The following KNL1 variants were observed in gnomAD, a reference collection of about 807,000 sequenced individuals.
The protein encoded by KNL1 is outer kinetochore KNL1 complex subunit KNL1.
KNL1 carries 66 observed loss-of-function variants against 201.3 expected under a neutral mutation model. The observed-to-expected ratio is 0.33, with a 90% CI of 0.27 to 0.40. The LOEUF (loss-of-function observed/expected upper bound fraction) is 0.40. Among genes scored for constraint, KNL1 ranks in the 10% least tolerant of loss-of-function variants. KNL1 has a pLI of 1.00. For synonymous variants in KNL1, 895 were observed against 899.2 expected (o/e 1.00, Z 0.08); for missense variants, 2,815 against 2,690.5 (o/e 1.05, Z -1.02).
chr15:40,621,553 A>G lies in KNL1; in HGVS notation c.1289A>G (p.Tyr430Cys), dbSNP rs772527233. Residue 430 changes from tyrosine (Y) to cysteine (C), a missense_variant, in exon 10 of 26, where the codon TAT becomes TGT. Transcript: ENST00000399668. ...ATTCAAGGTTGTAAGACTGTTTTCT[A>G]TTCTAGTTGTAATGATGCCATGGAA... ...PSIQGCKTVF[Y>C]SSCNDAMEMT... 3 of 1,610,756 alleles carry G rather than the reference A, an allele frequency of 1.9e-6. No individual in the cohort carries two copies. Among genetic ancestry groups the G allele is most frequent in the Admixed American group, 1.7e-5 (1 of 59,382 alleles).
In KNL1 at chr15:40,623,435, T is replaced by C. The variant is rs745709549; in HGVS notation, c.3171T>C (p.Pro1057=). ...DVQSPGFLNE[P]LSSKSQRRKS... ...AAAGTCCTGGATTTCTGAATGAACC[T>C]CTATCAAGCAAAAGTCAGAGAAGAA... The change falls in exon 10 of 26, where the codon CCT becomes CCC. Residue 1057 remains proline, a synonymous_variant. Transcript: ENST00000399668. The C allele has an allele frequency of 1.9e-6, 3 of 1,612,702 alleles. No homozygotes were observed. The highest frequency in any genetic ancestry group is 1.1e-5 in the South Asian group (1 of 90,920).
rs1267075095 is a variant in KNL1 at position 40,659,344 on chromosome 15, G to C, written c.6719G>C (p.Arg2240Thr). Residue 2240 changes from arginine to threonine, a missense_variant, in exon 25 of 26, where the codon AGA becomes ACA. Arg to Thr is a moderately conservative substitution (Grantham distance 71, BLOSUM62 -1). Transcript: ENST00000399668. ...GTGGATCTTGTCTTTTACAGATTGA[G>C]ACTTTTATTCTCTAGCTCCGCAGCA... ...MNIDINNNEL[R>T]LLFSSSAAFA... 6.2e-7 allele frequency: 1 copy of C among 1,611,042 alleles called. No homozygotes were observed. Among genetic ancestry groups the C allele is most frequent in the African/African-American group, 1.3e-5 (1 of 74,800 alleles).
intron 10 of KNL1, among the ~76,000 whole-genome samples, chr15:40,626,235 C>T (rs914945233): frequency 5.3e-5 from 8 of 151,806 alleles, no homozygotes; most frequent in Middle Eastern, 3.2e-3. Context: ...TCACTGCAAC[C>T]TCTGCCTTCT....
rs1337158421 is a variant in KNL1 at position 40,662,326 on chromosome 15, T to C, written c.*138T>C. The C allele has an allele frequency of 1.6e-6, 1 of 606,714 alleles. No homozygotes were observed. Among genetic ancestry groups the C allele is most frequent in the African/African-American group, 1.9e-5 (1 of 53,388 alleles). The allele number at this position is 606,714 out of a possible 1,614,324, so 37.6% of individuals were successfully genotyped here. A position where few individuals can be genotyped will look rare whatever the true frequency, so the allele number is the denominator to read the frequency against. Reference sequence around the variant, plus strand: ...CTGATGATGTTATAGTTAATCTGTATGTTTTTTATATCTCTGCAGAATGAT... The same window carrying C: ...CTGATGATGTTATAGTTAATCTGTACGTTTTTTATATCTCTGCAGAATGAT... On this transcript the variant is annotated 3_prime_UTR_variant, in exon 26 of 26. Coordinates refer to ENST00000399668, the MANE Select transcript of KNL1 (RefSeq NM_144508.5).
Position 40,628,109 on chromosome 15 carries a change from G to T in KNL1, c.5416G>T (p.Ala1806Ser). The change falls in exon 11 of 26, where the codon GCT becomes TCT. Residue 1806 changes from alanine to serine, a missense_variant. By Grantham distance (99) the Ala-to-Ser change is moderately conservative (BLOSUM62 1). This residue lies in a region of KNL1 where 2,464 missense variants were observed against 2,291.7 expected (regional missense o/e 1.08). Transcript: ENST00000399668. ...TACTGAAGAGGATATAGATAAAAGTGCTAACAGTGTATTGATAAAAAACCT... is the reference window on the plus strand; with the variant it reads ...TACTGAAGAGGATATAGATAAAAGTTCTAACAGTGTATTGATAAAAAACCT... ...HHTEEDIDKS[A>S]NSVLIKNLSR... 6.2e-7 allele frequency: 1 copy of T among 1,610,630 alleles called. No homozygotes were observed. The highest frequency in any genetic ancestry group is 8.5e-7 in the Non-Finnish European group (1 of 1,178,840).
At chr15:40,654,457 T>TA (rs1489541040) in intron 21 of KNL1, among the ~76,000 whole-genome samples, 1 of 151,448 alleles carries the variant, frequency 6.6e-6, no homozygotes, top group Non-Finnish European at 1.5e-5. Flanking sequence ...CTTTACTAGA[T>TA]ACAGAGAATA....
chr15:40,605,872 T>C (rs1250537728), intron 3 of KNL1, among the ~76,000 whole-genome samples: 1 of 152,242 alleles, frequency 6.6e-6, no homozygotes, highest in Non-Finnish European at 1.5e-5. Context: ...GATTTCCTTT[T>C]GCTTTTTCTA....
chr15:40,637,684 G>T lies in KNL1; in HGVS notation c.5683-3228G>T, dbSNP rs554950841. On this transcript the variant is annotated intron_variant, in intron 13 of 25. Coordinates refer to ENST00000399668, the MANE Select transcript of KNL1 (RefSeq NM_144508.5). Reference sequence around the variant, plus strand: ...ATAGTCCACATGGGTGGCCAAGGTAGTGATACCTTTGCTTTATGATGGTTC... The same window carrying T: ...ATAGTCCACATGGGTGGCCAAGGTATTGATACCTTTGCTTTATGATGGTTC... Among the ~76,000 whole-genome samples, 9 of 152,280 alleles carry T rather than the reference G, an allele frequency of 5.9e-5. No homozygotes were observed. The East Asian group carries it at 1.7e-3, about 29-fold the overall frequency.
chr15:40,659,501 CTT>C, intron 25 of KNL1, 40 bp downstream of exon 25: 2 of 1,538,764 alleles, frequency 1.3e-6, no homozygotes, highest in Non-Finnish European at 1.8e-6. Flanking sequence ...TGGGCTACTT[CTT>C]TTTTTTTGAG....
intron 22 of KNL1, among the ~76,000 whole-genome samples, chr15:40,656,002 C>G (rs1893719343): frequency 6.6e-6 from 1 of 152,060 alleles, no homozygotes. Context: ...GTTATGAGCA[C>G]TTAGTCTGTA....
intron 1 of KNL1, among the ~76,000 whole-genome samples, chr15:40,597,273 CAG>C (rs1891648785): frequency 6.6e-6 from 1 of 151,864 alleles, no homozygotes; most frequent in African/African-American, 2.4e-5. Flanking sequence ...CTTTTCGAGA[CAG>C]AGTCTCACTC....
intron 19 of KNL1, among the ~76,000 whole-genome samples, chr15:40,650,964 CATTA>C (rs1391052104): frequency 1.3e-5 from 2 of 151,610 alleles, no homozygotes; most frequent in Non-Finnish European, 2.9e-5. Context: ...TAGTTGACAA[CATTA>C]ATTTGACAGG....
chr15:40,624,769 C>G lies in KNL1; in HGVS notation c.4505C>G (p.Ala1502Gly). Reference sequence around the variant, plus strand: ...AATAGTGAGGAATGGTTTGCTGCAGCCTGTAAAAAAGAACTGAAGGAAAAT... The same window carrying G: ...AATAGTGAGGAATGGTTTGCTGCAGGCTGTAAAAAAGAACTGAAGGAAAAT... ...ILNSEEWFAA[A>G]CKKELKENIQ... is the part of the protein sequence containing the mutation. Residue 1502 changes from alanine to glycine, a missense_variant, in exon 10 of 26, where the codon GCC (alanine) becomes GGC (glycine). By Grantham distance (60) the Ala-to-Gly change is moderately conservative. Transcript: ENST00000399668. 2 of 1,613,766 alleles carry G rather than the reference C, an allele frequency of 1.2e-6. No individual in the cohort carries two copies. The highest frequency in any genetic ancestry group is 1.7e-6 in the Non-Finnish European group (2 of 1,179,898).
intron 25 of KNL1, 108 bp from the exon 26 acceptor site, chr15:40,661,966 G>C (rs557755916): frequency 5.0e-6 from 3 of 605,792 alleles, no homozygotes; most frequent in African/African-American, 1.9e-5. Context: ...GCATGAACCC[G>C]GGAGGTGGAG....
Position 40,622,180 on chromosome 15 carries a change from A to G in KNL1, c.1916A>G (p.Asn639Ser), listed in dbSNP as rs1318124418. Residue 639 changes from asparagine (N) to serine (S), a missense_variant, in exon 10 of 26, where the codon AAC becomes AGC. Around this residue, in one of 3 missense-constraint regions of KNL1, gnomAD observed 2,464 missense variants for 2,291.7 expected, o/e 1.08. Coordinates refer to ENST00000399668, the MANE Select transcript of KNL1 (RefSeq NM_144508.5). ...IAKNSLTDTWNKDKDWVLKIL... is the reference protein window; with the variant it reads ...IAKNSLTDTWSKDKDWVLKIL... ...AAAAACAGCTTAACCGACACCTGGA[A>G]CAAAGACAAAGATTGGGTTTTGAAG... 1 of 1,614,152 alleles carries G rather than the reference A, an allele frequency of 6.2e-7. No homozygotes were observed. The highest frequency in any genetic ancestry group is 8.5e-7 in the Non-Finnish European group (1 of 1,179,986).
chr15:40,655,068 C>T (rs1025820114), intron 22 of KNL1, 91 bp downstream of exon 22: 54 of 933,762 alleles, frequency 5.8e-5, no homozygotes, highest in Non-Finnish European at 5.4e-5. Context: ...GAGGCTGAGG[C>T]GGGTGGATCA....
At chr15:40,619,273 T>C (rs2141717537) in intron 9 of KNL1, among the ~76,000 whole-genome samples, 2 of 151,946 alleles carry the variant, frequency 1.3e-5, no homozygotes, top group East Asian at 3.9e-4. Context: ...GTGATACTAG[T>C]ACACAAGTCC....
At chr15:40,644,735 G>C (rs1047468766) in intron 14 of KNL1, among the ~76,000 whole-genome samples, 14 of 152,352 alleles carry the variant, frequency 9.2e-5, no homozygotes, top group African/African-American at 3.4e-4. Flanking sequence ...TGTCAACAAG[G>C]CACGTCCTGC....
At position 40,618,829 on chromosome 15, in the gene KNL1, C is replaced by T. The variant is rs563928499; in HGVS notation, c.323-130C>T. 9.5e-5 allele frequency: 52 copies of T among 547,488 alleles called. 1 individual carries two copies. The highest frequency in any genetic ancestry group is 5.4e-4 in the South Asian group (19 of 35,070). The allele number at this position is 547,488 out of a possible 1,614,324, so 33.9% of individuals were successfully genotyped here. A position where few individuals can be genotyped will look rare whatever the true frequency, so the allele number is the denominator to read the frequency against. Reference sequence around the variant, plus strand: ...TTTAAAAAATTAAAAAAATTTAATACGTAAGTTCTTAAGGGCTTAGTTACT... The same window carrying T: ...TTTAAAAAATTAAAAAAATTTAATATGTAAGTTCTTAAGGGCTTAGTTACT... On this transcript the variant is annotated intron_variant, in intron 8 of 25. Coordinates refer to ENST00000399668, the MANE Select transcript of KNL1 (RefSeq NM_144508.5).
Sources: allele counts gnomAD v4.1 joint callset (sites outside exome capture counted in the v4.1 genomes callset), GRCh38; gene constraint gnomAD v4.1.1; regional missense constraint gnomAD v4.1.1; transcripts MANE v1.5; gene names NCBI Gene and HGNC (gene_info 2026-07-23, HGNC 2026-07-21).